BCL9: variants seen among roughly 807,000 people sequenced by gnomAD.
BCL9 encodes the protein B-cell CLL/lymphoma 9 protein.
BCL9 carries 25 observed loss-of-function variants against 88.5 expected under a neutral mutation model. The ratio of observed to expected loss-of-function variants is 0.28; its 90% CI spans 0.21 to 0.39. BCL9 has a LOEUF of 0.39. Ranked by LOEUF, BCL9 falls within the 10% of genes least tolerant of loss-of-function variation. The pLI is 1.00. For missense variants in BCL9, 1,817 were observed against 1,877.8 expected (o/e 0.97, Z 0.60); for synonymous variants, 711 against 673.3 (o/e 1.06, Z -0.87).
chr1:147,596,476 C>T (rs587595969), intron 1 of BCL9, among the ~76,000 whole-genome samples: 1 of 136,082 alleles, frequency 7.3e-6, no homozygotes, highest in South Asian at 2.3e-4. Flanking sequence ...TGCAGTGGAG[C>T]GATCTAGGCT....
At chr1:147,551,660 C>T (rs782206585) in intron 1 of BCL9, among the ~76,000 whole-genome samples, 8 of 152,202 alleles carry the variant, frequency 5.3e-5, no homozygotes, top group South Asian at 4.1e-4. Flanking sequence ...AGTGGGCTCC[C>T]GATAAAAGGA....
chr1:147,600,418 A>T (rs1402260036), intron 1 of BCL9: 1 of 133,058 alleles, frequency 7.5e-6, no homozygotes, highest in Admixed American at 7.7e-5. Flanking sequence ...GCGTGTTTTG[A>T]GCCGGTTTGG....
intron 1 of BCL9, among the ~76,000 whole-genome samples, chr1:147,591,976 C>T (rs980555566): frequency 6.6e-6 from 1 of 152,198 alleles, no homozygotes; most frequent in Non-Finnish European, 1.5e-5. Flanking sequence ...TCTAATGAAG[C>T]TCTCACTCTG....
At chr1:147,573,884 C>G (rs899165892) in intron 1 of BCL9, among the ~76,000 whole-genome samples, 2 of 151,932 alleles carry the variant, frequency 1.3e-5, no homozygotes, top group Admixed American at 1.3e-4. Context: ...CCCACTGTCA[C>G]TGCATTATGC....
At chr1:147,565,864 G>A (rs928536060) in intron 1 of BCL9, among the ~76,000 whole-genome samples, 1 of 151,902 alleles carries the variant, frequency 6.6e-6, no homozygotes, top group Non-Finnish European at 1.5e-5. Context: ...CTTGGTAGGT[G>A]ATTAATTTCC....
intron 1 of BCL9, among the ~76,000 whole-genome samples, chr1:147,578,851 A>G (rs1447601357): frequency 7.8e-6 from 1 of 127,864 alleles, no homozygotes; most frequent in Non-Finnish European, 1.6e-5. Context: ...GAGTCAGGAA[A>G]TTTGGTTTTC....
intron 1 of BCL9, among the ~76,000 whole-genome samples, chr1:147,558,423 G>A (rs587651530): frequency 1.1e-3 from 171 of 152,214 alleles, no homozygotes; most frequent in African/African-American, 4.0e-3. Flanking sequence ...GATGACTCTG[G>A]AGTCAATGGC....
intron 1 of BCL9, among the ~76,000 whole-genome samples, chr1:147,544,675 T>C (rs1553194091): frequency 6.6e-6 from 1 of 152,038 alleles, no homozygotes; most frequent in East Asian, 1.9e-4. Flanking sequence ...AAAGACAATA[T>C]AATAAAATGA....
intron 1 of BCL9, among the ~76,000 whole-genome samples, chr1:147,593,960 G>T (rs1656944984): frequency 6.6e-6 from 1 of 152,078 alleles, no homozygotes; most frequent in African/African-American, 2.4e-5. Context: ...CATTGTTTTT[G>T]ACCAAAATTA....
At position 147,622,319 on chromosome 1, in the gene BCL9, C is replaced by T; in HGVS notation, c.2951C>T (p.Pro984Leu). ...TASQPASVNIPGSLPSSTPYT... is the reference protein window; with the variant it reads ...TASQPASVNILGSLPSSTPYT... ...AGCCAGCCTGCCTCTGTGAATATCC[C>T]TGGAAGTCTTCCCTCTAGTACACCT... Residue 984 changes from proline (P) to leucine (L), a missense_variant, in exon 9 of 10, where the codon CCT becomes CTT. Around this residue, in one of 2 missense-constraint regions of BCL9, gnomAD observed 589 missense variants for 686.2 expected, o/e 0.86. Transcript: ENST00000234739. 2 of 1,614,196 alleles carry T rather than the reference C, an allele frequency of 1.2e-6. No homozygotes were observed. Among genetic ancestry groups the T allele is most frequent in the South Asian group, 2.2e-5 (2 of 91,084 alleles).
At chr1:147,547,635 A>G (rs1654664495) in intron 1 of BCL9, among the ~76,000 whole-genome samples, 2 of 152,194 alleles carry the variant, frequency 1.3e-5, no homozygotes, top group Non-Finnish European at 1.5e-5. Context: ...TTGACTTACA[A>G]TGTTCCTTTA....
chr1:147,569,473 C>CAAA (rs79619243), intron 1 of BCL9, among the ~76,000 whole-genome samples: 32,794 of 124,798 alleles, frequency 0.26, 4,451 homozygotes, highest in Middle Eastern at 0.31. Flanking sequence ...TACTAAAATA[C>CAAA]AAAAAAAAAA....
chr1:147,607,935 G>T (rs973242772), intron 3 of BCL9, among the ~76,000 whole-genome samples: 1 of 152,158 alleles, frequency 6.6e-6, no homozygotes, highest in Non-Finnish European at 1.5e-5. Context: ...AGAACTTGCA[G>T]CATGAGAAGA....
chr1:147,546,107 C>A (rs587616397), intron 1 of BCL9, among the ~76,000 whole-genome samples: 83 of 152,120 alleles, frequency 5.5e-4, no homozygotes, highest in African/African-American at 1.9e-3. Context: ...GAGGCCGAGG[C>A]GGGCGGATCA....
In BCL9 at chr1:147,622,649, C is replaced by A. The variant is rs1022069336; in HGVS notation, c.3163+118C>A. On this transcript the variant is annotated intron_variant, in intron 9 of 9. Coordinates refer to ENST00000234739, the MANE Select transcript of BCL9 (RefSeq NM_004326.4). Reference sequence around the variant, plus strand: ...TGGAAGTTCAACAAGTAGAAAAAATCTTCCATCTAAGGTAGTTTCAGTAGA... The same window carrying A: ...TGGAAGTTCAACAAGTAGAAAAAATATTCCATCTAAGGTAGTTTCAGTAGA... The A allele has an allele frequency of 8.4e-6, 11 of 1,309,924 alleles. No homozygotes were observed. In the African/African-American group the frequency reaches 1.2e-4, roughly 14 times the overall value. The allele number at this position is 1,309,924 out of a possible 1,614,324, so 81.1% of individuals were successfully genotyped here. A position where few individuals can be genotyped will look rare whatever the true frequency, so the allele number is the denominator to read the frequency against.
intron 1 of BCL9, among the ~76,000 whole-genome samples, chr1:147,583,363 C>T (rs1055489813): frequency 6.6e-6 from 1 of 151,998 alleles, no homozygotes; most frequent in African/African-American, 2.4e-5. Flanking sequence ...TTGCAACCTC[C>T]ACCTCCCAGG....
chr1:147,572,302 C>T (rs781915408), intron 1 of BCL9, among the ~76,000 whole-genome samples: 1 of 152,108 alleles, frequency 6.6e-6, no homozygotes, highest in Non-Finnish European at 1.5e-5. Flanking sequence ...GATAAAACAC[C>T]GTAAAACACA....
rs1302373861 is a variant in BCL9 at position 147,555,024 on chromosome 1, C to T, written c.-478+13350C>T. On this transcript the variant is annotated intron_variant, in intron 1 of 9. Transcript: ENST00000234739. ...GAATCAGCATTCCTACTCCCTTGCT[C>T]CTGAAAAGCCTTAAAATAATTTTGC... 2.0e-5 allele frequency among the ~76,000 whole-genome samples: 3 copies of T among 152,062 alleles called. No individual in the cohort carries two copies. In the East Asian group the frequency reaches 5.8e-4, roughly 29 times the overall value.
chr1:147,598,920 G>A lies in BCL9; in HGVS notation c.-477-5857G>A, dbSNP rs149571372. Among the ~76,000 whole-genome samples the A allele has an allele frequency of 2.3e-3, 354 of 152,336 alleles. 1 individual carries two copies. Among genetic ancestry groups the A allele is most frequent in the Non-Finnish European group, 4.1e-3 (279 of 68,040 alleles). On this transcript the variant is annotated intron_variant, in intron 1 of 9. Coordinates refer to ENST00000234739, the MANE Select transcript of BCL9 (RefSeq NM_004326.4). ...TAGCCCGAATCTGAGCTTTGATTCA[G>A]CAACATGCTCTAACCATGATGCCGT...
Sources: allele counts gnomAD v4.1 joint callset (sites outside exome capture counted in the v4.1 genomes callset), GRCh38; gene constraint gnomAD v4.1.1; regional missense constraint gnomAD v4.1.1; transcripts MANE v1.5; gene names NCBI Gene and HGNC (gene_info 2026-07-23, HGNC 2026-07-21).